FBXL2: variants seen among roughly 807,000 people sequenced by gnomAD.
The protein encoded by FBXL2 is F-box/LRR-repeat protein 2.
In FBXL2, 38 loss-of-function variants were observed where a neutral mutation model predicts 69.2. That is an observed-to-expected ratio of 0.55 (90% CI 0.42 to 0.72). The LOEUF (loss-of-function observed/expected upper bound fraction) is 0.72, where lower values mean the gene tolerates loss of function less well. FBXL2 is among the 30% of genes least tolerant of loss of function. The pLI, the probability that FBXL2 is intolerant of heterozygous loss-of-function variation, is 0.00. For synonymous variants in FBXL2, 192 were observed against 201.3 expected (o/e 0.95, Z 0.39); for missense variants, 354 against 520.3 (o/e 0.68, Z 3.11).
chr3:33,277,547 C>T (rs1034666573), intron 1 of FBXL2, 32 bp downstream of exon 1: 2 of 1,271,150 alleles, frequency 1.6e-6, no homozygotes, highest in African/African-American at 1.5e-5. Context: ...GCCTAGCTGC[C>T]CCGCCCTACC....
At chr3:33,392,645 A>C, downstream of FBXL2, 1 of 1,572,686 alleles carries the variant, frequency 6.4e-7, no homozygotes, top group South Asian at 1.2e-5. Flanking sequence ...CGTAAGTACA[A>C]TTAAGATCCA....
chr3:33,364,704 G>T lies in FBXL2; in HGVS notation c.275G>T (p.Gly92Val). 6.2e-7 allele frequency: 1 copy of T among 1,614,050 alleles called. No individual in the cohort carries two copies. The highest frequency in any genetic ancestry group is 8.5e-7 in the Non-Finnish European group (1 of 1,179,916). The change falls in exon 5 of 15, where the codon GGG becomes GTG. Residue 92 changes from glycine (G) to valine (V), a missense_variant. Coordinates refer to ENST00000484457, the MANE Select transcript of FBXL2 (RefSeq NM_012157.5). ...KLSLRGCIGV[G>V]DSSLKTFAQN... ...AGCTTGCGAGGCTGCATTGGTGTTG[G>T]GGATTCCTCCTTGAAGTAAGTCAAA...
downstream of FBXL2, chr3:33,392,771 G>A (rs1434902961): frequency 9.3e-6 from 6 of 644,452 alleles, no homozygotes; most frequent in Non-Finnish European, 1.3e-5. Flanking sequence ...AGATGCACAC[G>A]TGCTGCACTG....
intron 2 of FBXL2, among the ~76,000 whole-genome samples, chr3:33,351,962 T>TA (rs56082631): frequency 0.055 from 6,124 of 111,962 alleles, 194 homozygotes; most frequent in African/African-American, 0.099. Context: ...CCCCATCACT[T>TA]AAAAAAAAAA....
At chr3:33,366,512 T>C (rs1016225540) in intron 5 of FBXL2, among the ~76,000 whole-genome samples, 1 of 151,952 alleles carries the variant, frequency 6.6e-6, no homozygotes, top group Non-Finnish European at 1.5e-5. Flanking sequence ...AAAAAAAAAT[T>C]AAGTAGCTGG....
At chr3:33,404,632 G>C (rs1277246288), downstream of FBXL2, among the ~76,000 whole-genome samples, 3 of 152,102 alleles carry the variant, frequency 2.0e-5, no homozygotes, top group Non-Finnish European at 4.4e-5. Flanking sequence ...GGGTAACAGA[G>C]TGAGACCCCC....
At chr3:33,370,773 G>A (rs137936048) in intron 5 of FBXL2, among the ~76,000 whole-genome samples, 23 of 151,974 alleles carry the variant, frequency 1.5e-4, no homozygotes, top group East Asian at 7.8e-4. Flanking sequence ...ACACTACCAC[G>A]CATGGCTAAT....
chr3:33,281,909 TA>T (rs1261671037), intron 1 of FBXL2, among the ~76,000 whole-genome samples: 1 of 152,240 alleles, frequency 6.6e-6, no homozygotes, highest in African/African-American at 2.4e-5. Context: ...GTTTTTCTTG[TA>T]AATTTATTTA....
intron 2 of FBXL2, among the ~76,000 whole-genome samples, chr3:33,356,642 C>T (rs1234556054): frequency 2.0e-5 from 3 of 152,068 alleles, no homozygotes; most frequent in Non-Finnish European, 1.5e-5. Context: ...GCCACTGTGC[C>T]CATCCTGCTC....
intron 9 of FBXL2, among the ~76,000 whole-genome samples, chr3:33,374,628 A>C (rs1246145188): frequency 6.6e-6 from 1 of 152,222 alleles, no homozygotes; most frequent in Admixed American, 6.5e-5. Context: ...AGGACTACTC[A>C]AAAATAGGAC....
chr3:33,338,747 C>T (rs2039780700), intron 2 of FBXL2, among the ~76,000 whole-genome samples: 1 of 152,134 alleles, frequency 6.6e-6, no homozygotes, highest in Non-Finnish European at 1.5e-5. Flanking sequence ...AAACTAGAAT[C>T]CTTCCTTTTA....
chr3:33,397,296 C>A, intron 12 of FBXL2: 1 of 506,170 alleles, frequency 2.0e-6, no homozygotes, highest in Non-Finnish European at 3.4e-6. Flanking sequence ...GACACCTGTC[C>A]TTCAGAGCCA....
chr3:33,277,665 C>A, intron 1 of FBXL2, 150 bp downstream of exon 1: 1 of 853,878 alleles, frequency 1.2e-6, no homozygotes, highest in Non-Finnish European at 1.6e-6. Context: ...CAGGGCAGGG[C>A]TGGGCGGGCC....
chr3:33,280,730 A>G (rs1013927270), intron 1 of FBXL2, among the ~76,000 whole-genome samples: 6 of 151,416 alleles, frequency 4.0e-5, no homozygotes, highest in Non-Finnish European at 7.4e-5. Context: ...AAAAAAAAAA[A>G]AAAGAAAAGA....
chr3:33,384,984 C>T (rs539645208), intron 14 of FBXL2, among the ~76,000 whole-genome samples: 37 of 152,090 alleles, frequency 2.4e-4, no homozygotes, highest in African/African-American at 7.0e-4. Context: ...GCTGAGATTG[C>T]GCCATTGCAC....
At chr3:33,297,898 C>G (rs1307181214) in intron 2 of FBXL2, 173 bp downstream of exon 2, 2 of 654,904 alleles carry the variant, frequency 3.1e-6, no homozygotes, top group Admixed American at 2.2e-5. Flanking sequence ...TTAAATTTTA[C>G]TTGGTCTAAT....
chr3:33,406,606 G>A (rs1442865266), downstream of FBXL2, among the ~76,000 whole-genome samples: 3 of 152,154 alleles, frequency 2.0e-5, no homozygotes, highest in Non-Finnish European at 4.4e-5. Flanking sequence ...GAAACACCAA[G>A]TTTACCAAAA....
At chr3:33,400,275 T>C in intron 12 of FBXL2, 1 of 1,596,816 alleles carries the variant, frequency 6.3e-7, no homozygotes, top group Non-Finnish European at 8.5e-7. Flanking sequence ...AGCTGAAGGC[T>C]GAATTTGCTA....
At chr3:33,360,693 C>T (rs1352573816) in intron 4 of FBXL2, among the ~76,000 whole-genome samples, 2 of 152,056 alleles carry the variant, frequency 1.3e-5, no homozygotes, top group African/African-American at 4.8e-5. Context: ...TATAATTGCC[C>T]TTCAAACTGA....
Sources: allele counts gnomAD v4.1 joint callset (sites outside exome capture counted in the v4.1 genomes callset), GRCh38; gene constraint gnomAD v4.1.1; transcripts MANE v1.5; gene names NCBI Gene and HGNC (gene_info 2026-07-23, HGNC 2026-07-21).